The following FBXW8 variants were observed in gnomAD, a reference collection of about 807,000 sequenced individuals.
FBXW8 encodes the protein F-box/WD repeat-containing protein 8.
FBXW8 carries 57 observed loss-of-function variants against 65.3 expected under a neutral mutation model. The ratio of observed to expected loss-of-function variants is 0.87; its 90% CI spans 0.71 to 1.09. The LOEUF is 1.09. Ranked by LOEUF, FBXW8 falls within the 50% of genes least tolerant of loss-of-function variation. The probability of loss-of-function intolerance (pLI) is 0.00; values close to 1 mark genes in which losing one functional copy is unlikely to be tolerated. For synonymous variants in FBXW8, 308 were observed against 330.2 expected, an observed-to-expected ratio of 0.93 and a Z score of 0.73; for missense variants, 777 against 814.8, an observed-to-expected ratio of 0.95 and a Z score of 0.57.
intron 1 of FBXW8, among the ~76,000 whole-genome samples, chr12:116,912,171 G>GTTTTTTTTTTTTTTTTTTCTT (rs57142470): frequency 7.6e-6 from 1 of 131,020 alleles, no homozygotes; most frequent in Non-Finnish European, 1.6e-5. Context: ...TTTTTTTCCT[G>GTTTTTTTTTTTTTTTTTTCTT]TTTTTTTTTT....
At position 117,027,524 on chromosome 12, in the gene FBXW8, G is replaced by A. The variant is rs766718162; in HGVS notation, c.1652+20G>A. 21 of 1,590,148 alleles carry A rather than the reference G, an allele frequency of 1.3e-5. No homozygotes were observed. The highest frequency in any genetic ancestry group is 4.5e-5 in the East Asian group (2 of 44,746). On this transcript the variant is annotated intron_variant, in intron 10 of 10. Transcript: ENST00000652555. Reference sequence around the variant, plus strand: ...CAGGAGGTTAGTGGTGGGGCCGGGCGAGTAAGAGACCATCTTAGTTTGACT... The same window carrying A: ...CAGGAGGTTAGTGGTGGGGCCGGGCAAGTAAGAGACCATCTTAGTTTGACT...
At chr12:116,952,840 C>T (rs1164775027) in intron 4 of FBXW8, among the ~76,000 whole-genome samples, 1 of 152,144 alleles carries the variant, frequency 6.6e-6, no homozygotes, top group African/African-American at 2.4e-5. Flanking sequence ...CAGGTTCAAG[C>T]GATTCTCCTG....
chr12:116,979,360 C>T (rs943797296), intron 5 of FBXW8: 3 of 152,196 alleles, frequency 2.0e-5, no homozygotes, highest in African/African-American at 4.8e-5. Context: ...TATGTCTCCT[C>T]GAAAGACTGG....
chr12:116,958,102 G>A (rs1232811063), intron 4 of FBXW8, among the ~76,000 whole-genome samples: 5 of 152,186 alleles, frequency 3.3e-5, no homozygotes, highest in African/African-American at 2.4e-5. Context: ...AGTGTGTAGT[G>A]CATGTATCTC....
rs1882857448 is a variant in FBXW8, at chr12:116,945,351, TCTG to T, written c.424-9_424-7del. On this transcript the variant is annotated splice_polypyrimidine_tract_variant and intron_variant, in intron 2 of 10. Transcript: ENST00000652555. ...TGCAGAATTTGACATTTGTGTCACT[TCTG>T]CTGTTTTAGGTGAGCAAGACGTGGA... 1.2e-6 allele frequency: 2 copies of T among 1,600,952 alleles called. No homozygotes were observed. The highest frequency in any genetic ancestry group is 1.3e-5 in the African/African-American group (1 of 74,670).
At chr12:117,004,608 G>C (rs1452303834) in intron 7 of FBXW8, among the ~76,000 whole-genome samples, 4 of 152,218 alleles carry the variant, frequency 2.6e-5, no homozygotes, top group Admixed American at 2.6e-4. Flanking sequence ...TGTGACTTCA[G>C]ACTGTTTTCC....
At chr12:117,001,973 C>T (rs979711845) in intron 7 of FBXW8, among the ~76,000 whole-genome samples, 6 of 152,180 alleles carry the variant, frequency 3.9e-5, no homozygotes, top group African/African-American at 1.4e-4. Flanking sequence ...CCAGCACCTA[C>T]GGACGTGCTG....
chr12:117,003,077 T>A (rs1046317971), intron 7 of FBXW8: 3 of 152,242 alleles, frequency 2.0e-5, no homozygotes, highest in Non-Finnish European at 2.9e-5. Flanking sequence ...GTCTTGTATG[T>A]GAAGATCTGT....
intron 8 of FBXW8, among the ~76,000 whole-genome samples, chr12:117,012,559 AG>A (rs1286201989): frequency 6.6e-6 from 1 of 152,226 alleles, no homozygotes; most frequent in East Asian, 1.9e-4. Context: ...TGAGGAAGCT[AG>A]ACTAAGTGTG....
intron 10 of FBXW8, 34 bp downstream of exon 10, chr12:117,027,538 C>A: frequency 6.6e-7 from 1 of 1,520,118 alleles, no homozygotes; most frequent in Non-Finnish European, 9.1e-7. Flanking sequence ...AAGAGACCAT[C>A]TTAGTTTGAC....
intron 4 of FBXW8, among the ~76,000 whole-genome samples, chr12:116,962,097 A>G (rs769965847): frequency 2.0e-5 from 3 of 152,134 alleles, no homozygotes; most frequent in Non-Finnish European, 4.4e-5. Context: ...GATCCCATTG[A>G]TAAAAATAAG....
intron 3 of FBXW8, among the ~76,000 whole-genome samples, chr12:116,946,183 G>A (rs1882918507): frequency 6.6e-6 from 1 of 152,190 alleles, no homozygotes. Flanking sequence ...CAATGGTAGA[G>A]AAGGGATGGA....
intron 1 of FBXW8, among the ~76,000 whole-genome samples, chr12:116,918,192 C>T (rs1188547190): frequency 6.6e-6 from 1 of 152,192 alleles, no homozygotes; most frequent in Non-Finnish European, 1.5e-5. Flanking sequence ...AGGCAGTAGG[C>T]ACTTTCTCTG....
intron 1 of FBXW8, among the ~76,000 whole-genome samples, chr12:116,925,240 G>A (rs544511298): frequency 2.6e-5 from 4 of 152,038 alleles, no homozygotes; most frequent in Admixed American, 6.6e-5. Context: ...CTGCCTTAGT[G>A]GGGTGGGAGG....
intron 8 of FBXW8, among the ~76,000 whole-genome samples, chr12:117,012,203 C>A (rs2135711781): frequency 1.3e-5 from 2 of 152,276 alleles, no homozygotes; most frequent in South Asian, 4.1e-4. Flanking sequence ...GGAGGTGTTC[C>A]ATGCATAGTG....
chr12:117,028,479 G>A lies in FBXW8; in HGVS notation c.*307G>A, dbSNP rs1045398814. 3.8e-5 allele frequency: 12 copies of A among 315,994 alleles called. No homozygotes were observed. The highest frequency in any genetic ancestry group is 6.6e-5 in the Non-Finnish European group (11 of 166,604). 19.6% of individuals were successfully genotyped at this position (315,994 alleles called of 1,614,324 possible). ...GGGATCTCGCTGCGCGGTCCTATAC[G>A]GTCCCTGCTTAGCCAGCTTCTGTGT... On this transcript the variant is annotated 3_prime_UTR_variant, in exon 11 of 11. Coordinates refer to ENST00000652555, the MANE Select transcript of FBXW8 (RefSeq NM_153348.3). The surrounding 1 kb of genome is among the most constrained non-coding windows in gnomAD (Gnocchi z 4.1).
chr12:116,990,376 A>G (rs1953208921), intron 7 of FBXW8, among the ~76,000 whole-genome samples: 1 of 152,224 alleles, frequency 6.6e-6, no homozygotes, highest in African/African-American at 2.4e-5. Context: ...TTGTCTTCCC[A>G]GGAAGTGGGG....
chr12:117,014,706 A>G (rs961564895), intron 8 of FBXW8, among the ~76,000 whole-genome samples: 3 of 150,884 alleles, frequency 2.0e-5, no homozygotes, highest in South Asian at 2.1e-4. Context: ...TTCAATTTCT[A>G]TGCTGTTTTT....
intron 6 of FBXW8, chr12:116,986,015 G>A (rs1289380010): frequency 1.3e-5 from 2 of 152,248 alleles, no homozygotes; most frequent in Admixed American, 6.5e-5. Context: ...CTCTAGATTT[G>A]TAGAGTGGGA....
Sources: allele counts gnomAD v4.1 joint callset (sites outside exome capture counted in the v4.1 genomes callset), GRCh38; gene constraint gnomAD v4.1.1; non-coding constraint Gnocchi (gnomAD v3.1); transcripts MANE v1.5; gene names NCBI Gene and HGNC (gene_info 2026-07-23, HGNC 2026-07-21).